The following NPR1 variants were observed in gnomAD, a reference collection of about 807,000 sequenced individuals.
NPR1 encodes the protein atrial natriuretic peptide receptor 1.
In NPR1, 57 loss-of-function variants were observed where a neutral mutation model predicts 116.9. The observed-to-expected ratio is 0.49, with a 90% CI of 0.39 to 0.61. The LOEUF (loss-of-function observed/expected upper bound fraction) is 0.61, where lower values mean the gene tolerates loss of function less well. Among genes scored for constraint, NPR1 ranks in the 20% least tolerant of loss-of-function variants. The probability of loss-of-function intolerance (pLI) is 0.00; values close to 1 mark genes in which losing one functional copy is unlikely to be tolerated. For synonymous variants in NPR1, 555 were observed against 601.6 expected, an observed-to-expected ratio of 0.92 and a Z score of 1.13; for missense variants, 1,096 against 1,409.8, an observed-to-expected ratio of 0.78 and a Z score of 3.56.
At position 153,679,275 on chromosome 1, in the gene NPR1, G is replaced by A; in HGVS notation, c.167G>A (p.Gly56Glu). The A allele has an allele frequency of 2.6e-6, 4 of 1,528,558 alleles. No homozygotes were observed. Among genetic ancestry groups the A allele is most frequent in the Non-Finnish European group, 3.5e-6 (4 of 1,143,180 alleles). The allele number at this position is 1,528,558 out of a possible 1,614,324, so 94.7% of individuals were successfully genotyped here. A position where few individuals can be genotyped will look rare whatever the true frequency, so the allele number is the denominator to read the frequency against. ...TSYPWSWARV[G>E]PAVELALAQV... ...TACCCCTGGTCGTGGGCGCGCGTGG[G>A]ACCCGCCGTGGAGCTGGCCCTGGCC... Residue 56 changes from glycine (G) to glutamate (E), a missense_variant, in exon 1 of 22, where the codon GGA (glycine) becomes GAA (glutamate). Coordinates refer to ENST00000368680, the MANE Select transcript of NPR1 (RefSeq NM_000906.4). This position sits in a 1 kb window ranked among gnomAD's most constrained non-coding sequence, Gnocchi z 4.2.
In NPR1 at chr1:153,683,411, G is replaced by A; in HGVS notation, c.1299G>A (p.Leu433=). ...VLNYNGTSQE[L]VAVSGRKLNW... is the part of the protein sequence containing the mutation. ...ACTACAATGGGACTTCCCAAGAGCT[G>A]GTGGCTGTGTCGGGGCGCAAACTGA... is the stretch of plus-strand genomic sequence containing the variant. Residue 433 remains leucine (L), a synonymous_variant, in exon 6 of 22, where the codon CTG becomes CTA. Transcript: ENST00000368680. 3 of 1,614,176 alleles carry A rather than the reference G, an allele frequency of 1.9e-6. No homozygotes were observed. Among genetic ancestry groups the A allele is most frequent in the Non-Finnish European group, 2.5e-6 (3 of 1,180,032 alleles).
chr1:153,689,031 G>A lies in NPR1; in HGVS notation c.2496G>A (p.Glu832=). The A allele has an allele frequency of 6.2e-7, 1 of 1,614,242 alleles. No homozygotes were observed. The highest frequency in any genetic ancestry group is 8.5e-7 in the Non-Finnish European group (1 of 1,180,052). ...QYANNLEELV[E]ERTQAYLEEK... The stretch of plus-strand genomic sequence containing the variant: ...CGAACAATCTGGAGGAACTGGTGGA[G>A]GAGCGGACCCAGGCATACCTGGAGG... The change falls in exon 16 of 22, where the codon GAG becomes GAA. Residue 832 remains glutamate, a synonymous_variant. Transcript: ENST00000368680. This position sits in a 1 kb window ranked among gnomAD's most constrained non-coding sequence, Gnocchi z 5.1.
chr1:153,684,540 T>TCC (rs1463196840), intron 7 of NPR1, among the ~76,000 whole-genome samples: 5 of 151,862 alleles, frequency 3.3e-5, no homozygotes, highest in Non-Finnish European at 7.4e-5. Flanking sequence ...TACAGGCACA[T>TCC]GCCACCACGC....
rs879252158 is a variant in NPR1 at position 153,679,742 on chromosome 1, A to G, written c.634A>G (p.Asn212Asp). ...GLFMRVRDRLNITVDHLEFAE... is the reference protein window; with the variant it reads ...GLFMRVRDRLDITVDHLEFAE... ...GTTCATGCGGGTCCGCGACCGCCTC[A>G]ATATTACGGTGGACCACCTGGAGTT... The change falls in exon 1 of 22, where the codon AAT (asparagine) becomes GAT (aspartate). Residue 212 changes from asparagine (N) to aspartate (D), a missense_variant. Physicochemically the swap from Asn to Asp is conservative, Grantham distance 23. Coordinates refer to ENST00000368680, the MANE Select transcript of NPR1 (RefSeq NM_000906.4). The surrounding 1 kb of genome is among the most constrained non-coding windows in gnomAD (Gnocchi z 4.2). 1 of 1,598,112 alleles carries G rather than the reference A, an allele frequency of 6.3e-7. No homozygotes were observed. The highest frequency in any genetic ancestry group is 2.3e-5 in the East Asian group (1 of 44,404).
chr1:153,683,519 C>A lies in NPR1; in HGVS notation c.1399+8C>A. ...ACCCAGCATGCAACCAAGGTGACTG[C>A]CCCTTGCCTTCCAGGCCTCCATCCC... On this transcript the variant is annotated splice_region_variant and intron_variant, in intron 6 of 21. Transcript: ENST00000368680. The A allele has an allele frequency of 6.2e-7, 1 of 1,613,896 alleles. No individual in the cohort carries two copies. The highest frequency in any genetic ancestry group is 8.5e-7 in the Non-Finnish European group (1 of 1,179,854).
chr1:153,689,866 C>G lies in NPR1; in HGVS notation c.2818C>G (p.Leu940Val). Residue 940 changes from leucine to valine, a missense_variant, in exon 19 of 22, where the codon CTA (leucine) becomes GTA (valine). Coordinates refer to ENST00000368680, the MANE Select transcript of NPR1 (RefSeq NM_000906.4). This position sits in a 1 kb window ranked among gnomAD's most constrained non-coding sequence, Gnocchi z 5.1. ...VSGLPVRNGRLHACEVARMAL... is the reference protein window; with the variant it reads ...VSGLPVRNGRVHACEVARMAL... ...AGGGCTCCCTGTGCGGAACGGGCGGCTACACGCCTGCGAGGTAGCCCGCAT... is the reference window on the plus strand; with the variant it reads ...AGGGCTCCCTGTGCGGAACGGGCGGGTACACGCCTGCGAGGTAGCCCGCAT... The G allele has an allele frequency of 6.3e-7, 1 of 1,593,178 alleles. No homozygotes were observed. Among genetic ancestry groups the G allele is most frequent in the East Asian group, 2.3e-5 (1 of 44,112 alleles).
In NPR1 at chr1:153,679,383, GCTCC is replaced by G; in HGVS notation, c.276_279del (p.Cys92TrpfsTer45). 1 of 1,540,360 alleles carries G rather than the reference GCTCC, an allele frequency of 6.5e-7. No homozygotes were observed. The highest frequency in any genetic ancestry group is 8.7e-7 in the Non-Finnish European group (1 of 1,148,518). On this transcript the variant is annotated frameshift_variant, in exon 1 of 22. Transcript: ENST00000368680. LOFTEE classifies it high-confidence loss of function. This position sits in a 1 kb window ranked among gnomAD's most constrained non-coding sequence, Gnocchi z 4.2. ...AGCAGCGAAAACGCGCTGGGCGTCT[GCTCC>G]GACACCGCAGCGCCCCTGGCCGCGG...
chr1:153,687,878 C>T, intron 14 of NPR1, 89 bp downstream of exon 14: 1 of 1,378,258 alleles, frequency 7.3e-7, no homozygotes, highest in South Asian at 1.4e-5. Flanking sequence ...ACCACCACAC[C>T]TTCCTTCTGT....
Position 153,693,087 on chromosome 1 carries a change from T to C in NPR1, c.3032-19T>C, listed in dbSNP as rs61758574. 27 of 1,598,260 alleles carry C rather than the reference T, an allele frequency of 1.7e-5. No individual in the cohort carries two copies. Among genetic ancestry groups the C allele is most frequent in the Middle Eastern group, 1.7e-4 (1 of 6,038 alleles). ...CTCTCTCACATTGCTCACCTTCCCT[T>C]CTCCCCTGTCCTACCCAGCCCTGAA... On this transcript the variant is annotated intron_variant, in intron 20 of 21. Coordinates refer to ENST00000368680, the MANE Select transcript of NPR1 (RefSeq NM_000906.4).
Position 153,688,087 on chromosome 1 carries a change from C to G in NPR1, c.2283C>G (p.Pro761=), listed in dbSNP as rs1334661667. 6.2e-6 allele frequency: 10 copies of G among 1,612,772 alleles called. No individual in the cohort carries two copies. Among genetic ancestry groups the G allele is most frequent in the Non-Finnish European group, 8.5e-6 (10 of 1,179,368 alleles). Residue 761 remains proline, a synonymous_variant, in exon 15 of 22, where the codon CCC becomes CCG. Coordinates refer to ENST00000368680, the MANE Select transcript of NPR1 (RefSeq NM_000906.4). ...AGCGGGTGACTCGGGGTGAGCAGCCCCCCTTCCGGCCCTCCCTGGCCCTGC... is the reference window on the plus strand; with the variant it reads ...AGCGGGTGACTCGGGGTGAGCAGCCGCCCTTCCGGCCCTCCCTGGCCCTGC... ...IIERVTRGEQ[P]PFRPSLALQS... is the part of the protein sequence containing the mutation.
In NPR1 at chr1:153,687,345, C is replaced by G; in HGVS notation, c.2081C>G (p.Thr694Ser). The G allele has an allele frequency of 1.2e-6, 2 of 1,614,048 alleles. No individual in the cohort carries two copies. Among genetic ancestry groups the G allele is most frequent in the Non-Finnish European group, 1.7e-6 (2 of 1,179,948 alleles). Residue 694 changes from threonine to serine, a missense_variant, in exon 13 of 22, where the codon ACC becomes AGC. Coordinates refer to ENST00000368680, the MANE Select transcript of NPR1 (RefSeq NM_000906.4). ...FRDLDPEQGH[T>S]VYAKKLWTAP... Reference sequence around the variant, plus strand: ...GACCTGGACCCAGAGCAAGGACACACCGTTTATGCCAGTGAGCCTTGACTC... The same window carrying G: ...GACCTGGACCCAGAGCAAGGACACAGCGTTTATGCCAGTGAGCCTTGACTC...
chr1:153,691,318 T>C (rs1160125489), intron 20 of NPR1, among the ~76,000 whole-genome samples: 7 of 152,234 alleles, frequency 4.6e-5, no homozygotes, highest in Non-Finnish European at 7.3e-5. Context: ...GCCTCCTGTT[T>C]ATCTTCTATC....
At position 153,689,638 on chromosome 1, in the gene NPR1, A is replaced by T; in HGVS notation, c.2757+117A>T. ...GAGAGGAGATCGGGGACACGGGCAGAGACAGTGACACAGGGAGACCCGGGA... is the reference window on the plus strand; with the variant it reads ...GAGAGGAGATCGGGGACACGGGCAGTGACAGTGACACAGGGAGACCCGGGA... On this transcript the variant is annotated intron_variant, in intron 18 of 21. Coordinates refer to ENST00000368680, the MANE Select transcript of NPR1 (RefSeq NM_000906.4). The surrounding 1 kb of genome is among the most constrained non-coding windows in gnomAD (Gnocchi z 5.1). 1 of 1,238,220 alleles carries T rather than the reference A, an allele frequency of 8.1e-7. No homozygotes were observed. The highest frequency in any genetic ancestry group is 1.2e-6 in the Non-Finnish European group (1 of 862,546). 76.7% of individuals were successfully genotyped at this position (1,238,220 alleles called of 1,614,324 possible).
intron 5 of NPR1, 75 bp from the exon 6 acceptor site, chr1:153,683,301 G>C (rs1416031050): frequency 7.9e-6 from 12 of 1,517,664 alleles, no homozygotes; most frequent in Non-Finnish European, 1.1e-5. Context: ...GGGTAGGTGG[G>C]AGGTGAGACT....
In NPR1 at chr1:153,689,423, C is replaced by T. The variant is rs1670027932; in HGVS notation, c.2689-30C>T. On this transcript the variant is annotated intron_variant, in intron 17 of 21. Transcript: ENST00000368680. The surrounding 1 kb of genome is among the most constrained non-coding windows in gnomAD (Gnocchi z 5.1). ...GACCCCAGGTGGGGTCCCCTACTTCCTGTCTCTCTTAGCTTCTCTTCCCTT... is the reference window on the plus strand; with the variant it reads ...GACCCCAGGTGGGGTCCCCTACTTCTTGTCTCTCTTAGCTTCTCTTCCCTT... 1.9e-6 allele frequency: 3 copies of T among 1,613,768 alleles called. No homozygotes were observed. Among genetic ancestry groups the T allele is most frequent in the African/African-American group, 1.3e-5 (1 of 74,918 alleles).
chr1:153,688,813 G>A (rs755500066), intron 15 of NPR1, 140 bp from the exon 16 acceptor site: 26 of 970,942 alleles, frequency 2.7e-5, no homozygotes, highest in African/African-American at 6.5e-5. Context: ...CCTGCTCCCC[G>A]GTATCCTGCT....
chr1:153,691,704 C>T (rs1670112663), intron 20 of NPR1, among the ~76,000 whole-genome samples: 1 of 152,008 alleles, frequency 6.6e-6, no homozygotes, highest in Non-Finnish European at 1.5e-5. Context: ...GGAGACTAGC[C>T]TGGCCAACAT....
At chr1:153,690,068 ATCTCTCTCTCTCTCTCTCTCTCTC>A in intron 19 of NPR1, 88 bp downstream of exon 19, 7 of 678,526 alleles carry the variant, frequency 1.0e-5, no homozygotes, top group Non-Finnish European at 1.2e-5. Flanking sequence ...TCGCCCTTTC[ATCTCTCTCTCTCTCTCTCTCTCTC>A]TCTCTCTCTC....
intron 8 of NPR1, 25 bp downstream of exon 8, chr1:153,685,109 G>C (rs1429749258): frequency 5.0e-6 from 8 of 1,612,238 alleles, no homozygotes; most frequent in Non-Finnish European, 6.8e-6. Flanking sequence ...GTTTGTGTTG[G>C]GGGGCAATAA....
Sources: gnomAD v4.1 joint callset for allele counts (sites outside exome capture counted in the v4.1 genomes callset) on GRCh38, gnomAD v4.1.1 for gene constraint, Gnocchi (gnomAD v3.1) non-coding constraint, MANE v1.5 for transcripts, NCBI Gene and HGNC (gene_info 2026-07-23, HGNC 2026-07-21) for gene names.